Variants in ABCA1 observed in about 807,000 individuals in gnomAD.
ABCA1 encodes the protein phospholipid-transporting ATPase ABCA1.
A neutral mutation model predicts 262.5 loss-of-function variants in ABCA1; 133 were observed. The ratio of observed to expected loss-of-function variants is 0.51; its 90% CI spans 0.44 to 0.59. The LOEUF is 0.59. Ranked by LOEUF, ABCA1 falls within the 20% of genes least tolerant of loss-of-function variation. ABCA1 has a pLI of 0.00. For synonymous variants in ABCA1, 1,022 were observed against 1,043.5 expected (o/e 0.98, Z 0.40); for missense variants, 2,452 against 2,777.5 (o/e 0.88, Z 2.63).
At chr9:104,905,456 G>A (rs1841051426) in intron 1 of ABCA1, among the ~76,000 whole-genome samples, 1 of 152,206 alleles carries the variant, frequency 6.6e-6, no homozygotes, top group Non-Finnish European at 1.5e-5. Context: ...TTCATTGACA[G>A]TCCAATAAAT....
intron 33 of ABCA1, 81 bp from the exon 34 acceptor site, chr9:104,802,240 A>T: frequency 1.6e-6 from 2 of 1,281,048 alleles, no homozygotes; most frequent in South Asian, 2.4e-5. Flanking sequence ...GAGTGTGTAC[A>T]AGGTTCACTG....
chr9:104,863,747 A>G (rs1836832455), intron 5 of ABCA1, among the ~76,000 whole-genome samples: 1 of 152,258 alleles, frequency 6.6e-6, no homozygotes, highest in South Asian at 2.1e-4. Context: ...GACAGCCAGT[A>G]GCTGTTCTTA....
At chr9:104,857,970 C>A (rs1043132402) in intron 7 of ABCA1, among the ~76,000 whole-genome samples, 1 of 152,138 alleles carries the variant, frequency 6.6e-6, no homozygotes, top group Non-Finnish European at 1.5e-5. Flanking sequence ...AATGGGTATT[C>A]TCATAGAGTG....
At chr9:104,926,464 A>G (rs1360633761) in intron 1 of ABCA1, among the ~76,000 whole-genome samples, 3 of 145,626 alleles carry the variant, frequency 2.1e-5, no homozygotes, top group African/African-American at 7.3e-5. Context: ...AAAAAAACCA[A>G]AAAAACAAAA....
intron 2 of ABCA1, among the ~76,000 whole-genome samples, chr9:104,892,175 C>T (rs1037144338): frequency 6.6e-6 from 1 of 151,832 alleles, no homozygotes; most frequent in African/African-American, 2.4e-5. Context: ...AGCATGCTGA[C>T]AGTGGAGTAC....
At chr9:104,858,914 T>A (rs1415809669) in intron 6 of ABCA1, among the ~76,000 whole-genome samples, 2 of 152,212 alleles carry the variant, frequency 1.3e-5, no homozygotes, top group African/African-American at 4.8e-5. Flanking sequence ...AACCTGCAAG[T>A]TGCATTAACT....
intron 1 of ABCA1, among the ~76,000 whole-genome samples, chr9:104,918,440 T>A (rs993890189): frequency 1.3e-5 from 2 of 152,166 alleles, no homozygotes; most frequent in African/African-American, 4.8e-5. Context: ...GAGCCTTGAA[T>A]GCCAAGCAGA....
chr9:104,830,959 G>A lies in ABCA1; in HGVS notation c.1858C>T (p.Gln620Ter). The change falls in exon 14 of 50, where the codon CAA (glutamine) becomes TAA (stop). Residue 620 changes from glutamine (Q) to a stop codon, truncating the protein, a stop_gained. Transcript: ENST00000374736. LOFTEE classifies it high-confidence loss of function. ...ACGTAACAGGGATAGGGCATCTGTT[G>A]CATATAGACACCAGTTTTCTTCTCG... ...GTEKKTGVYM[Q>*]QMPYPCYVDD... is the part of the protein sequence containing the mutation. The A allele has an allele frequency of 1.2e-6, 2 of 1,613,736 alleles. No homozygotes were observed. Among genetic ancestry groups the A allele is most frequent in the Non-Finnish European group, 1.7e-6 (2 of 1,179,936 alleles).
At chr9:104,869,749 C>A (rs1279620427) in intron 5 of ABCA1, among the ~76,000 whole-genome samples, 1 of 152,152 alleles carries the variant, frequency 6.6e-6, no homozygotes, top group East Asian at 1.9e-4. Flanking sequence ...CTTTCCAACC[C>A]AGGAGACACT....
At chr9:104,836,275 G>C (rs924468491) in intron 11 of ABCA1, among the ~76,000 whole-genome samples, 1 of 152,168 alleles carries the variant, frequency 6.6e-6, no homozygotes, top group African/African-American at 2.4e-5. Context: ...CAAGAAACCT[G>C]GCAAAATCCT....
chr9:104,785,456 G>C lies in ABCA1; in HGVS notation c.6585C>G (p.Ser2195=). 6.2e-7 allele frequency: 1 copy of C among 1,613,982 alleles called. No individual in the cohort carries two copies. The highest frequency in any genetic ancestry group is 8.5e-7 in the Non-Finnish European group (1 of 1,179,930). ...CTATGTGGAGTCGCTTTTTGCTCTG[G>C]GAGAGGATGCTGAATATCCTGGCCA... ...SSLARIFSIL[S]QSKKRLHIED... is the part of the protein sequence containing the mutation. The change falls in exon 49 of 50, where the codon TCC becomes TCG. Residue 2195 remains serine, a synonymous_variant. Coordinates refer to ENST00000374736, the MANE Select transcript of ABCA1 (RefSeq NM_005502.4).
rs759020994 is a variant in ABCA1 at position 104,817,333 on chromosome 9, G to A, written c.3534C>T (p.Ile1178=). 1.2e-5 allele frequency: 20 copies of A among 1,614,000 alleles called. No individual in the cohort carries two copies. The highest frequency in any genetic ancestry group is 1.6e-4 in the Middle Eastern group (1 of 6,084). The change falls in exon 24 of 50, where the codon ATC becomes ATT. Residue 1178 remains isoleucine (I), a splice_region_variant and synonymous_variant. Transcript: ENST00000374736. The surrounding 1 kb of genome is among the most constrained non-coding windows in gnomAD (Gnocchi z 4.7). ...AATAAGAAACCCCAGAGTCCTTACC[G>A]ATGGTCAGCGTGTCACTCTCATGGT... ...GSDHESDTLT[I]DVSAISNLIR...
chr9:104,879,364 A>AG (rs1256842281), intron 5 of ABCA1, among the ~76,000 whole-genome samples: 5 of 152,212 alleles, frequency 3.3e-5, no homozygotes, highest in African/African-American at 1.2e-4. Context: ...TGAGGAAAAA[A>AG]GGGTCTACAG....
intron 17 of ABCA1, among the ~76,000 whole-genome samples, chr9:104,824,858 G>C (rs929108484): frequency 6.6e-6 from 1 of 152,238 alleles, no homozygotes; most frequent in Non-Finnish European, 1.5e-5. Flanking sequence ...CCCTCAGCCA[G>C]TAAGTTAAGA....
At chr9:104,902,738 A>C (rs1253015344) in intron 2 of ABCA1, among the ~76,000 whole-genome samples, 1 of 152,174 alleles carries the variant, frequency 6.6e-6, no homozygotes, top group Non-Finnish European at 1.5e-5. Flanking sequence ...GTTTGAGGAA[A>C]ACTGAATGAA....
intron 1 of ABCA1, chr9:104,927,542 G>A (rs957957543): frequency 1.2e-4 from 18 of 152,416 alleles, no homozygotes; most frequent in African/African-American, 3.6e-4. Flanking sequence ...CAACCAGAAG[G>A]GTTTCTAGCC....
At chr9:104,890,446 T>C (rs1564257390) in intron 2 of ABCA1, among the ~76,000 whole-genome samples, 1 of 151,972 alleles carries the variant, frequency 6.6e-6, no homozygotes, top group Non-Finnish European at 1.5e-5. Context: ...CTGGGCATAG[T>C]GGTGGGTGCA....
At chr9:104,842,672 T>C (rs572252306) in intron 8 of ABCA1, among the ~76,000 whole-genome samples, 5 of 152,282 alleles carry the variant, frequency 3.3e-5, no homozygotes, top group African/African-American at 9.6e-5. Context: ...TTGAACATCA[T>C]CGGTTGAGTG....
intron 5 of ABCA1, among the ~76,000 whole-genome samples, chr9:104,873,441 A>G (rs1301595952): frequency 2.0e-5 from 3 of 152,208 alleles, no homozygotes; most frequent in Non-Finnish European, 2.9e-5. Context: ...GCCTGAAGCC[A>G]GGAAGTGGAG....
Sources: gnomAD v4.1 joint callset for allele counts (sites outside exome capture counted in the v4.1 genomes callset) on GRCh38, gnomAD v4.1.1 for gene constraint, Gnocchi (gnomAD v3.1) non-coding constraint, MANE v1.5 for transcripts, NCBI Gene and HGNC (gene_info 2026-07-23, HGNC 2026-07-21) for gene names.